Variants in ETV6 observed in about 807,000 individuals in gnomAD.
ETV6 encodes ETS variant transcription factor 6.
In ETV6, 16 loss-of-function variants were observed where a neutral mutation model predicts 51.1. That is an observed-to-expected ratio of 0.31 (90% confidence interval 0.21 to 0.48). ETV6 has a LOEUF of 0.48. Among genes scored for constraint, ETV6 ranks in the 20% least tolerant of loss-of-function variants. ETV6 has a pLI of 0.99. For missense variants in ETV6, 458 were observed against 594.8 expected (o/e 0.77, Z 2.39); for synonymous variants, 240 against 224.1 (o/e 1.07, Z -0.64).
At chr12:11,690,524 G>A (rs560137847) in intron 1 of ETV6, among the ~76,000 whole-genome samples, 2 of 152,082 alleles carry the variant, frequency 1.3e-5, no homozygotes, top group South Asian at 2.1e-4. Flanking sequence ...TCAGGAGTTC[G>A]AGTCTGCAGT....
At chr12:11,870,381 G>C (rs1046216398) in intron 5 of ETV6, among the ~76,000 whole-genome samples, 5 of 152,136 alleles carry the variant, frequency 3.3e-5, no homozygotes, top group Non-Finnish European at 4.4e-5. Flanking sequence ...CATCCTGTGA[G>C]CGGTAACGCC....
chr12:11,777,157 G>A (rs1397767375), intron 2 of ETV6, among the ~76,000 whole-genome samples: 2 of 148,018 alleles, frequency 1.4e-5, no homozygotes, highest in East Asian at 2.0e-4. Context: ...GGAGAATGGC[G>A]TGAACCTGGG....
chr12:11,749,337 A>G (rs1176466444), intron 1 of ETV6, among the ~76,000 whole-genome samples: 1 of 128,372 alleles, frequency 7.8e-6, no homozygotes, highest in Non-Finnish European at 1.6e-5. Flanking sequence ...ACACACACAC[A>G]CACACACACA....
chr12:11,778,311 T>C (rs1243897196), intron 2 of ETV6, among the ~76,000 whole-genome samples: 1 of 152,230 alleles, frequency 6.6e-6, no homozygotes, highest in Non-Finnish European at 1.5e-5. Context: ...CGCACACGCG[T>C]GTGCACACAC....
intron 3 of ETV6, among the ~76,000 whole-genome samples, chr12:11,842,484 C>A (rs1367803992): frequency 6.6e-6 from 1 of 151,556 alleles, no homozygotes; most frequent in African/African-American, 2.4e-5. Context: ...CCGGATCCCT[C>A]CCCTAGAGTG....
intron 2 of ETV6, among the ~76,000 whole-genome samples, chr12:11,827,074 A>T (rs771058758): frequency 0.017 from 1,762 of 104,448 alleles, 11 homozygotes; most frequent in African/African-American, 0.04. Flanking sequence ...TCTGTCTCAC[A>T]CACACACACA....
chr12:11,763,193 T>C (rs1226929846), intron 2 of ETV6, among the ~76,000 whole-genome samples: 5 of 152,204 alleles, frequency 3.3e-5, no homozygotes, highest in Admixed American at 3.3e-4. Flanking sequence ...CACTGACTCC[T>C]TTCACTTCTC....
chr12:11,738,515 C>T (rs529777812), intron 1 of ETV6, among the ~76,000 whole-genome samples: 1 of 151,580 alleles, frequency 6.6e-6, no homozygotes, highest in African/African-American at 2.4e-5. Flanking sequence ...CCCTGTTGCC[C>T]AGACTCATCT....
chr12:11,855,110 A>G (rs1453758262), intron 4 of ETV6, among the ~76,000 whole-genome samples: 5 of 148,078 alleles, frequency 3.4e-5, no homozygotes, highest in African/African-American at 5.0e-5. Context: ...CCTGGCTAAC[A>G]TGGTGAAACC....
intron 2 of ETV6, among the ~76,000 whole-genome samples, chr12:11,770,881 C>G (rs967514443): frequency 2.6e-5 from 4 of 151,294 alleles, no homozygotes; most frequent in African/African-American, 9.7e-5. Flanking sequence ...GCCTGAACAA[C>G]AGAGCAAGAC....
intron 1 of ETV6, among the ~76,000 whole-genome samples, chr12:11,703,513 T>C (rs1018734983): frequency 1.3e-5 from 2 of 151,958 alleles, no homozygotes; most frequent in African/African-American, 4.8e-5. Flanking sequence ...AGCAAGCCAA[T>C]GAAATGATAC....
At chr12:11,804,232 C>T (rs771304951) in intron 2 of ETV6, among the ~76,000 whole-genome samples, 20 of 152,188 alleles carry the variant, frequency 1.3e-4, no homozygotes, top group Non-Finnish European at 2.2e-4. Flanking sequence ...GGAATTCACA[C>T]TAGCCAGAGA....
At chr12:11,685,048 A>G (rs1283651297) in intron 1 of ETV6, among the ~76,000 whole-genome samples, 1 of 152,198 alleles carries the variant, frequency 6.6e-6, no homozygotes, top group Admixed American at 6.5e-5. Context: ...GGACCAGGTG[A>G]AGGGCAGGAG....
At chr12:11,661,247 C>T (rs1446521741) in intron 1 of ETV6, among the ~76,000 whole-genome samples, 1 of 152,232 alleles carries the variant, frequency 6.6e-6, no homozygotes, top group Non-Finnish European at 1.5e-5. Flanking sequence ...CCCACCTCGG[C>T]CTCCCAAACT....
intron 2 of ETV6, among the ~76,000 whole-genome samples, chr12:11,803,929 T>G (rs768087463): frequency 5.9e-5 from 9 of 152,212 alleles, no homozygotes; most frequent in Non-Finnish European, 1.2e-4. Context: ...ATCATCATCA[T>G]CATCATCATC....
intron 4 of ETV6, among the ~76,000 whole-genome samples, chr12:11,862,204 C>T (rs972970583): frequency 6.6e-6 from 1 of 152,102 alleles, no homozygotes; most frequent in African/African-American, 2.4e-5. Context: ...TGTTGATAAC[C>T]TCAAACATAT....
At chr12:11,716,500 A>G (rs1865283708) in intron 1 of ETV6, 1 of 152,158 alleles carries the variant, frequency 6.6e-6, no homozygotes, top group Non-Finnish European at 1.5e-5. Flanking sequence ...TTGTGTTAGT[A>G]TTTGGTGGAA....
intron 1 of ETV6, among the ~76,000 whole-genome samples, chr12:11,738,051 A>G (rs928858215): frequency 9.2e-5 from 14 of 152,002 alleles, no homozygotes; most frequent in Non-Finnish European, 2.1e-4. Context: ...TCTCGGTAAG[A>G]GGTTGTTTAT....
chr12:11,677,110 A>C (rs1591602013), intron 1 of ETV6, among the ~76,000 whole-genome samples: 1 of 152,236 alleles, frequency 6.6e-6, no homozygotes, highest in Non-Finnish European at 1.5e-5. Flanking sequence ...ACCCAATCCG[A>C]ATCAACTAAA....
Sources: allele counts gnomAD v4.1 joint callset (sites outside exome capture counted in the v4.1 genomes callset), GRCh38; gene constraint gnomAD v4.1.1; transcripts MANE v1.5; gene names NCBI Gene and HGNC (gene_info 2026-07-23, HGNC 2026-07-21).